Variants in CAMKMT observed in about 807,000 individuals in gnomAD.
The protein encoded by CAMKMT is CaM KMT.
A neutral mutation model predicts 48.0 loss-of-function variants in CAMKMT; 53 were observed. The ratio of observed to expected loss-of-function variants is 1.10; its 90% CI spans 0.89 to 1.39. The LOEUF (loss-of-function observed/expected upper bound fraction) is 1.39. Among genes scored for constraint, CAMKMT ranks in the 40% most tolerant of loss-of-function variants. The probability of loss-of-function intolerance (pLI) is 0.00; values close to 1 mark genes in which losing one functional copy is unlikely to be tolerated. For missense variants in CAMKMT, 428 were observed against 402.7 expected, an observed-to-expected ratio of 1.06 and a Z score of -0.54; for synonymous variants, 165 against 152.3, an observed-to-expected ratio of 1.08 and a Z score of -0.61.
chr2:44,408,573 A>C (rs1363262938), intron 3 of CAMKMT, among the ~76,000 whole-genome samples: 1 of 152,106 alleles, frequency 6.6e-6, no homozygotes, highest in African/African-American at 2.4e-5. Flanking sequence ...GAGTTGCTCA[A>C]GGCCACTCAG....
chr2:44,498,797 C>T (rs1669875508), intron 3 of CAMKMT, among the ~76,000 whole-genome samples: 1 of 152,202 alleles, frequency 6.6e-6, no homozygotes, highest in Admixed American at 6.5e-5. Flanking sequence ...GTTGCTAAGG[C>T]AACTGATATC....
chr2:44,466,025 A>G (rs1037764109), intron 3 of CAMKMT, among the ~76,000 whole-genome samples: 2 of 152,216 alleles, frequency 1.3e-5, no homozygotes, highest in African/African-American at 4.8e-5. Flanking sequence ...GAGCACCCAA[A>G]TATATAAAGC....
intron 3 of CAMKMT, among the ~76,000 whole-genome samples, chr2:44,488,325 AC>A (rs534696379): frequency 2.2e-4 from 34 of 151,880 alleles, no homozygotes; most frequent in African/African-American, 6.3e-4. Flanking sequence ...ACATGGTGAA[AC>A]CCCATCTCTA....
chr2:44,749,520 G>A (rs1476748566), intron 8 of CAMKMT, among the ~76,000 whole-genome samples: 1 of 152,176 alleles, frequency 6.6e-6, no homozygotes, highest in Non-Finnish European at 1.5e-5. Context: ...TTGAGAATGG[G>A]AACTTTGTCT....
chr2:44,464,076 T>C (rs772423923), intron 3 of CAMKMT, among the ~76,000 whole-genome samples: 5 of 152,120 alleles, frequency 3.3e-5, no homozygotes, highest in Admixed American at 6.5e-5. Flanking sequence ...AGAATACAGA[T>C]AGACAGCTAA....
At chr2:44,750,283 A>G (rs1680099077) in intron 8 of CAMKMT, among the ~76,000 whole-genome samples, 1 of 151,972 alleles carries the variant, frequency 6.6e-6, no homozygotes, top group Non-Finnish European at 1.5e-5. Flanking sequence ...CAGCCTCCCA[A>G]GTAGCTGGGA....
chr2:44,682,471 A>G (rs996215978), intron 3 of CAMKMT, among the ~76,000 whole-genome samples: 2 of 152,198 alleles, frequency 1.3e-5, no homozygotes, highest in African/African-American at 2.4e-5. Context: ...CTGAAGCATA[A>G]TCTTAGGTTG....
At chr2:44,542,525 ACACACACACACACTCT>A (rs1257071153) in intron 3 of CAMKMT, among the ~76,000 whole-genome samples, 43 of 98,268 alleles carry the variant, frequency 4.4e-4, no homozygotes, top group Middle Eastern at 0.012. Flanking sequence ...ACACACACAC[ACACACACACACACTCT>A]CTCTCTCTCT....
intron 3 of CAMKMT, among the ~76,000 whole-genome samples, chr2:44,573,835 G>C (rs1023276552): frequency 1.3e-5 from 2 of 152,032 alleles, no homozygotes; most frequent in African/African-American, 4.8e-5. Context: ...TCACTGTTCT[G>C]AAATACAACC....
chr2:44,569,709 G>A (rs1358038860), intron 3 of CAMKMT, among the ~76,000 whole-genome samples: 2 of 152,280 alleles, frequency 1.3e-5, no homozygotes, highest in East Asian at 3.9e-4. Context: ...CCTAGTCATC[G>A]CCAATCCTCT....
At chr2:44,520,703 T>G (rs2052324064) in intron 3 of CAMKMT, among the ~76,000 whole-genome samples, 2 of 152,240 alleles carry the variant, frequency 1.3e-5, no homozygotes, top group South Asian at 4.1e-4. Context: ...TTTGGCTTTG[T>G]GTCCCCACTC....
intron 3 of CAMKMT, among the ~76,000 whole-genome samples, chr2:44,699,237 A>G (rs540040626): frequency 6.6e-6 from 1 of 152,348 alleles, no homozygotes; most frequent in Non-Finnish European, 1.5e-5. Context: ...GCTCAGATGC[A>G]TCAGAAGAAT....
intron 6 of CAMKMT, among the ~76,000 whole-genome samples, chr2:44,710,807 A>G (rs1031954404): frequency 1.3e-5 from 2 of 152,170 alleles, no homozygotes; most frequent in Non-Finnish European, 2.9e-5. Context: ...AGAACTCCTG[A>G]AGGTGAGCAA....
rs138295159 is a variant in CAMKMT at position 44,459,216 on chromosome 2, A to G, written c.376+68911A>G. ...TTTGAAGACCAGCTTTAGAATTTCA[A>G]TAGTTATTGTATATTCAAAACAGCT... On this transcript the variant is annotated intron_variant, in intron 3 of 10. Transcript: ENST00000378494. 6.5e-3 allele frequency among the ~76,000 whole-genome samples: 991 copies of G among 152,312 alleles called. 13 individuals carry two copies. Among genetic ancestry groups the G allele is most frequent in the African/African-American group, 0.022 (930 of 41,574 alleles).
At chr2:44,711,457 G>A (rs1244364396) in intron 6 of CAMKMT, among the ~76,000 whole-genome samples, 1 of 152,094 alleles carries the variant, frequency 6.6e-6, no homozygotes, top group Non-Finnish European at 1.5e-5. Context: ...CAGTATAAAT[G>A]TTCACATAAT....
chr2:44,691,812 A>T (rs144421439), intron 3 of CAMKMT, among the ~76,000 whole-genome samples: 38 of 152,274 alleles, frequency 2.5e-4, no homozygotes, highest in Middle Eastern at 6.8e-3. Flanking sequence ...CCTCTGCCTC[A>T]TAGTCCCTGG....
At chr2:44,537,463 A>G (rs1666837942) in intron 3 of CAMKMT, among the ~76,000 whole-genome samples, 1 of 152,230 alleles carries the variant, frequency 6.6e-6, no homozygotes, top group Non-Finnish European at 1.5e-5. Flanking sequence ...GAAAACCACA[A>G]TGAGATATTG....
Position 44,520,135 on chromosome 2 carries a change from C to T in CAMKMT, c.376+129830C>T, listed in dbSNP as rs544853365. ...TCGGGAGGCTGAGGCAGGAGAATGGCGTGAACCTGGGAGGCGGAGCTTGCA... is the reference window on the plus strand; with the variant it reads ...TCGGGAGGCTGAGGCAGGAGAATGGTGTGAACCTGGGAGGCGGAGCTTGCA... On this transcript the variant is annotated intron_variant, in intron 3 of 10. Coordinates refer to ENST00000378494, the MANE Select transcript of CAMKMT (RefSeq NM_024766.5). Among the ~76,000 whole-genome samples, 508 of 151,988 alleles carry T rather than the reference C, an allele frequency of 3.3e-3. 1 individual carries two copies. The highest frequency in any genetic ancestry group is 0.011 in the African/African-American group (467 of 41,462).
intron 3 of CAMKMT, among the ~76,000 whole-genome samples, chr2:44,615,400 A>G (rs548652301): frequency 1.8e-4 from 28 of 151,894 alleles, no homozygotes; most frequent in African/African-American, 5.8e-4. Flanking sequence ...AATTACGGCT[A>G]TGGCCAGGGG....
Sources: gnomAD v4.1 joint callset for allele counts (sites outside exome capture counted in the v4.1 genomes callset) on GRCh38, gnomAD v4.1.1 for gene constraint, MANE v1.5 for transcripts, NCBI Gene and HGNC (gene_info 2026-07-23, HGNC 2026-07-21) for gene names.